Variants in PPP1R37 observed in about 807,000 individuals in gnomAD.
The protein encoded by PPP1R37 is leucine rich repeat containing 68.
A neutral mutation model predicts 61.0 loss-of-function variants in PPP1R37; 21 were observed. That is an observed-to-expected ratio of 0.34 (90% CI 0.24 to 0.50). PPP1R37 has a LOEUF of 0.50. PPP1R37 is among the 20% of genes least tolerant of loss of function. The probability of loss-of-function intolerance (pLI) is 0.98; values close to 1 mark genes in which losing one functional copy is unlikely to be tolerated. For missense variants in PPP1R37, 910 were observed against 952.7 expected (o/e 0.96, Z 0.59); for synonymous variants, 443 against 433.5 (o/e 1.02, Z -0.27).
At chr19:45,117,367 C>T (rs889438824) in intron 1 of PPP1R37, among the ~76,000 whole-genome samples, 5 of 152,114 alleles carry the variant, frequency 3.3e-5, no homozygotes, top group Admixed American at 3.3e-4. Flanking sequence ...GAGGCGTGGG[C>T]GAGCCGAGGG....
rs1968642069 is a variant in PPP1R37 at position 45,143,568 on chromosome 19, G to A, written c.922G>A (p.Val308Met). The stretch of plus-strand genomic sequence containing the variant: ...CCTCAAGGAGCAGAGGAAGGGGCTG[G>A]TGACCCTGGTGCTGTGGAACAACCA... ...EGLKEQRKGLVTLVLWNNQLT... is the reference protein window; with the variant it reads ...EGLKEQRKGLMTLVLWNNQLT... Residue 308 changes from valine (V) to methionine (M), a missense_variant, in exon 8 of 13, where the codon GTG (valine) becomes ATG (methionine). This residue lies in a region of PPP1R37 where 280 missense variants were observed against 382.2 expected (regional missense o/e 0.73). Transcript: ENST00000221462. 6 of 1,535,982 alleles carry A rather than the reference G, an allele frequency of 3.9e-6. No homozygotes were observed. In the South Asian group the frequency reaches 4.8e-5, roughly 12 times the overall value.
At position 45,146,128 on chromosome 19, in the gene PPP1R37, A is replaced by T; in HGVS notation, c.1993+79A>T. On this transcript the variant is annotated intron_variant, in intron 11 of 12. Coordinates refer to ENST00000221462, the MANE Select transcript of PPP1R37 (RefSeq NM_019121.2). Reference sequence around the variant, plus strand: ...CCAGGCAAGCCCCTGCCTGTTGTGGACCTCAGTTTCCCCCTCTTTAAAATG... The same window carrying T: ...CCAGGCAAGCCCCTGCCTGTTGTGGTCCTCAGTTTCCCCCTCTTTAAAATG... The T allele has an allele frequency of 3.6e-6, 5 of 1,380,816 alleles. 1 individual carries two copies. In the South Asian group the frequency reaches 7.3e-5, roughly 20 times the overall value. The allele number at this position is 1,380,816 out of a possible 1,614,324, so 85.5% of individuals were successfully genotyped here. A position where few individuals can be genotyped will look rare whatever the true frequency, so the allele number is the denominator to read the frequency against.
chr19:45,103,355 G>A (rs945765857), intron 1 of PPP1R37, among the ~76,000 whole-genome samples: 1 of 152,206 alleles, frequency 6.6e-6, no homozygotes, highest in African/African-American at 2.4e-5. Context: ...CCCTGCAGTC[G>A]GATGCTCCCC....
chr19:45,094,732 GAA>G (rs747403892), intron 1 of PPP1R37, among the ~76,000 whole-genome samples: 1 of 134,700 alleles, frequency 7.4e-6, no homozygotes, highest in African/African-American at 2.7e-5. Flanking sequence ...CCGGCTCAAA[GAA>G]AAAAAAAAAA....
At chr19:45,099,997 G>A (rs573311990) in intron 1 of PPP1R37, 8 of 152,338 alleles carry the variant, frequency 5.3e-5, no homozygotes, top group Non-Finnish European at 7.3e-5. Flanking sequence ...TTCTGGGAGC[G>A]AGTACTGGGG....
chr19:45,128,614 C>T, intron 1 of PPP1R37: 1 of 1,263,982 alleles, frequency 7.9e-7, no homozygotes, highest in South Asian at 1.2e-5. Context: ...GGGGCCTCGG[C>T]CTCCTTCCCA....
At chr19:45,095,958 G>A (rs1967987974) in intron 1 of PPP1R37, among the ~76,000 whole-genome samples, 1 of 152,104 alleles carries the variant, frequency 6.6e-6, no homozygotes, top group Admixed American at 6.5e-5. Flanking sequence ...GAGGCTCCAG[G>A]TCAGATCCTT....
Position 45,093,413 on chromosome 19 carries a change from C to T in PPP1R37, c.88C>T (p.Pro30Ser). Residue 30 changes from proline (P) to serine (S), a missense_variant, in exon 1 of 13, where the codon CCC becomes TCC. Pro to Ser is a moderately conservative substitution (Grantham distance 74, BLOSUM62 -1). Coordinates refer to ENST00000221462, the MANE Select transcript of PPP1R37 (RefSeq NM_019121.2). ...EAPAEAGSPS[P>S]ASPPADGRLK... ...CCCAGCTGAGGCCGGGTCTCCCAGC[C>T]CCGCGTCGCCCCCCGCCGATGGGCG... 6.5e-7 allele frequency: 1 copy of T among 1,534,582 alleles called. No individual in the cohort carries two copies. Among genetic ancestry groups the T allele is most frequent in the South Asian group, 1.2e-5 (1 of 83,932 alleles).
chr19:45,143,721 G>A lies in PPP1R37; in HGVS notation c.987+88G>A, dbSNP rs960881411. 37 of 735,344 alleles carry A rather than the reference G, an allele frequency of 5.0e-5. No homozygotes were observed. The East Asian group carries it at 7.6e-4, about 15-fold the overall frequency. The allele number at this position is 735,344 out of a possible 1,614,324, so 45.6% of individuals were successfully genotyped here. ...CTCAGCACAGTTGCCTCTAGCTGACGGCTCCTGTCCTGCCCATCCTGCAGG... is the reference window on the plus strand; with the variant it reads ...CTCAGCACAGTTGCCTCTAGCTGACAGCTCCTGTCCTGCCCATCCTGCAGG... On this transcript the variant is annotated intron_variant, in intron 8 of 12. Coordinates refer to ENST00000221462, the MANE Select transcript of PPP1R37 (RefSeq NM_019121.2).
rs76449511 is a variant in PPP1R37, at chr19:45,116,516, G to A, written c.203-21998G>A. ...TCACCCAGGAAACTGCAGGACTCAC[G>A]GCCTCTCAGCAGGCCTGAGGAGGGC... On this transcript the variant is annotated intron_variant, in intron 1 of 12. Coordinates refer to ENST00000221462, the MANE Select transcript of PPP1R37 (RefSeq NM_019121.2). Among the ~76,000 whole-genome samples the A allele has an allele frequency of 8.9e-3, 1,353 of 152,322 alleles. 25 individuals are homozygous for A. Among genetic ancestry groups the A allele is most frequent in the African/African-American group, 0.03 (1,249 of 41,554 alleles).
At position 45,146,820 on chromosome 19, in the gene PPP1R37, G is replaced by A. The variant is rs931434296; in HGVS notation, c.*258G>A. 8 of 205,610 alleles carry A rather than the reference G, an allele frequency of 3.9e-5. No individual in the cohort carries two copies. Among genetic ancestry groups the A allele is most frequent in the East Asian group, 2.8e-4 (2 of 7,032 alleles). 12.7% of individuals were successfully genotyped at this position (205,610 alleles called of 1,614,324 possible). On this transcript the variant is annotated 3_prime_UTR_variant, in exon 13 of 13. Coordinates refer to ENST00000221462, the MANE Select transcript of PPP1R37 (RefSeq NM_019121.2). ...GGGTGAATGGGAGGAGGGGGAGCAG[G>A]AGGAGGAGGAGGTCTCCAAGGACAT... is the stretch of plus-strand genomic sequence containing the variant.
chr19:45,146,000 G>A lies in PPP1R37; in HGVS notation c.1944G>A (p.Glu648=), dbSNP rs1299511807. 13 of 1,533,696 alleles carry A rather than the reference G, an allele frequency of 8.5e-6. No individual in the cohort carries two copies. The highest frequency in any genetic ancestry group is 2.4e-5 in the South Asian group (2 of 83,860). ...KPEFALALPP[E]PPPGPEVKGG... is the part of the protein sequence containing the mutation. Reference sequence around the variant, plus strand: ...AGTTCGCCCTGGCACTGCCCCCTGAGCCGCCCCCGGGGCCTGAGGTCAAGG... The same window carrying A: ...AGTTCGCCCTGGCACTGCCCCCTGAACCGCCCCCGGGGCCTGAGGTCAAGG... The change falls in exon 11 of 13, where the codon GAG becomes GAA. Residue 648 remains glutamate (E), a synonymous_variant. Coordinates refer to ENST00000221462, the MANE Select transcript of PPP1R37 (RefSeq NM_019121.2).
intron 1 of PPP1R37, among the ~76,000 whole-genome samples, chr19:45,117,386 G>C (rs564033196): frequency 6.6e-6 from 1 of 152,172 alleles, no homozygotes; most frequent in African/African-American, 2.4e-5. Context: ...GGTGAGCCCC[G>C]GTGGAGTGCT....
rs1353109508 is a variant in PPP1R37, at chr19:45,142,361, C to T, written c.777C>T (p.Leu259=). Reference sequence around the variant, plus strand: ...AGCTGTACCTGGCGGACAACAAGCTCAACGGCCTGCAGGACTCGGCCCAGC... The same window carrying T: ...AGCTGTACCTGGCGGACAACAAGCTTAACGGCCTGCAGGACTCGGCCCAGC... ...LRELYLADNK[L]NGLQDSAQLG... The change falls in exon 7 of 13, where the codon CTC becomes CTT. Residue 259 remains leucine (L), a synonymous_variant. Coordinates refer to ENST00000221462, the MANE Select transcript of PPP1R37 (RefSeq NM_019121.2). The T allele has an allele frequency of 1.3e-6, 2 of 1,536,118 alleles. No individual in the cohort carries two copies. Among genetic ancestry groups the T allele is most frequent in the South Asian group, 1.2e-5 (1 of 84,068 alleles).
At chr19:45,134,666 GA>G (rs1158862292) in intron 1 of PPP1R37, among the ~76,000 whole-genome samples, 5 of 150,820 alleles carry the variant, frequency 3.3e-5, no homozygotes, top group African/African-American at 1.2e-4. Context: ...TCAACTACTT[GA>G]GAGTGCCTCA....
At chr19:45,119,063 A>C (rs1968306124) in intron 1 of PPP1R37, among the ~76,000 whole-genome samples, 1 of 150,822 alleles carries the variant, frequency 6.6e-6, no homozygotes, top group African/African-American at 2.4e-5. Context: ...GATCTCACTC[A>C]CTGCAGCTTC....
rs1017191781 is a variant in PPP1R37, at chr19:45,146,361, CGGGGGTGCT to C, written c.1994-26_1994-18del. The stretch of plus-strand genomic sequence containing the variant: ...GGTTGTATTTGCCCCACCCGCCTGA[CGGGGGTGCT>C]GGCCCGTCCTCCCACACAGAACTGA... On this transcript the variant is annotated intron_variant, in intron 11 of 12. Coordinates refer to ENST00000221462, the MANE Select transcript of PPP1R37 (RefSeq NM_019121.2). The C allele has an allele frequency of 1.0e-5, 16 of 1,528,138 alleles. No individual in the cohort carries two copies. Among genetic ancestry groups the C allele is most frequent in the Non-Finnish European group, 1.3e-5 (15 of 1,140,784 alleles). 94.7% of individuals were successfully genotyped at this position (1,528,138 alleles called of 1,614,324 possible). A position where few individuals can be genotyped will look rare whatever the true frequency, so the allele number is the denominator to read the frequency against.
intron 1 of PPP1R37, among the ~76,000 whole-genome samples, chr19:45,120,014 C>CTTTTTTTTTTTTTTTT (rs11312138): frequency 6.0e-5 from 5 of 83,602 alleles, no homozygotes; most frequent in Admixed American, 1.3e-4. Flanking sequence ...TTTTCCCCTT[C>CTTTTTTTTTTTTTTTT]TTTTTTTTTT....
At chr19:45,095,753 G>A (rs1288067156) in intron 1 of PPP1R37, among the ~76,000 whole-genome samples, 5 of 138,442 alleles carry the variant, frequency 3.6e-5, no homozygotes, top group African/African-American at 5.6e-5. Context: ...ACAGAGACCC[G>A]GTCTTAAAAA....
Sources: allele counts gnomAD v4.1 joint callset (sites outside exome capture counted in the v4.1 genomes callset), GRCh38; gene constraint gnomAD v4.1.1; regional missense constraint gnomAD v4.1.1; transcripts MANE v1.5; gene names NCBI Gene and HGNC (gene_info 2026-07-23, HGNC 2026-07-21).